Variants in BRCA1 observed in about 807,000 individuals in gnomAD.
The protein encoded by BRCA1 is BRCA1 DNA repair associated.
In BRCA1, 140 loss-of-function variants were observed where a neutral mutation model predicts 173.7. That is an observed-to-expected ratio of 0.81 (90% CI 0.70 to 0.93). The LOEUF is 0.93. Ranked by LOEUF, BRCA1 falls within the 40% of genes least tolerant of loss-of-function variation. BRCA1 has a pLI of 0.00. For synonymous variants in BRCA1, 662 were observed against 756.0 expected (o/e 0.88, Z 2.04); for missense variants, 1,983 against 2,172.5 (o/e 0.91, Z 1.73).
At chr17:43,107,062 ATT>A (rs35202419) in intron 3 of BRCA1, among the ~76,000 whole-genome samples, 6 of 126,810 alleles carry the variant, frequency 4.7e-5, no homozygotes, top group Non-Finnish European at 4.8e-5. Flanking sequence ...TACCAAGACA[ATT>A]TTTTTTTTTT....
upstream of BRCA1, among the ~76,000 whole-genome samples, chr17:43,128,848 C>T (rs2055939909): frequency 6.7e-6 from 1 of 149,336 alleles, no homozygotes; most frequent in Admixed American, 6.7e-5. Context: ...CAAAGTCTCG[C>T]TTTCTCAAAG....
At chr17:43,102,283 G>C (rs1355007076) in intron 6 of BRCA1, among the ~76,000 whole-genome samples, 1 of 151,264 alleles carries the variant, frequency 6.6e-6, no homozygotes, top group African/African-American at 2.4e-5. Context: ...ATGTGAGCCA[G>C]GATAGTCTTG....
chr17:43,117,525 G>A (rs2055351213), intron 2 of BRCA1, among the ~76,000 whole-genome samples: 1 of 152,138 alleles, frequency 6.6e-6, no homozygotes, highest in African/African-American at 2.4e-5. Context: ...CGGATCATGA[G>A]GTCAGGATTT....
rs751124745 is a variant in BRCA1 at position 43,094,617 on chromosome 17, C to T, written c.914G>A (p.Cys305Tyr). The change falls in exon 10 of 23, where the codon TGT (cysteine) becomes TAT (tyrosine). Residue 305 changes from cysteine (C) to tyrosine (Y), a missense_variant. Transcript: ENST00000357654. Reference protein sequence around the residue: ...DRMNVEKAEFCNKSKQPGLAR... With the variant: ...DRMNVEKAEFYNKSKQPGLAR... ...TAAGCCAGGCTGTTTGCTTTTATTACAGAATTCAGCCTTTTCTACATTCAT... is the reference window on the plus strand; with the variant it reads ...TAAGCCAGGCTGTTTGCTTTTATTATAGAATTCAGCCTTTTCTACATTCAT... 1 of 1,614,146 alleles carries T rather than the reference C, an allele frequency of 6.2e-7. No homozygotes were observed. Among genetic ancestry groups the T allele is most frequent in the Non-Finnish European group, 8.5e-7 (1 of 1,180,022 alleles).
rs587781623 is a variant in BRCA1 at position 43,071,124 on chromosome 17, G to A, written c.4790C>T (p.Thr1597Ile). The change falls in exon 15 of 23, where the codon ACC becomes ATC. Residue 1597 changes from threonine (T) to isoleucine (I), a missense_variant. Coordinates refer to ENST00000357654, the MANE Select transcript of BRCA1 (RefSeq NM_007294.4). ...SARVGNIPSS[T>I]SALKVPQLKV... is the part of the protein sequence containing the mutation. ...CAATTGGGGAACTTTCAATGCAGAG[G>A]TTGAAGATGGTATGTTGCCAACACG... 6.2e-7 allele frequency: 1 copy of A among 1,614,202 alleles called. No individual in the cohort carries two copies. The highest frequency in any genetic ancestry group is 1.7e-5 in the Admixed American group (1 of 60,018).
chr17:43,063,398 G>T lies in BRCA1; in HGVS notation c.5153-25C>A, dbSNP rs1458162596. 3 of 1,594,102 alleles carry T rather than the reference G, an allele frequency of 1.9e-6. No homozygotes were observed. The highest frequency in any genetic ancestry group is 1.1e-5 in the South Asian group (1 of 90,674). On this transcript the variant is annotated intron_variant, in intron 17 of 22. Coordinates refer to ENST00000357654, the MANE Select transcript of BRCA1 (RefSeq NM_007294.4). ...CCTAAAGAGATCATAGAAAAGACAG[G>T]TTACATACAGCAGAAGAACGTGCTC...
At chr17:43,158,700 G>A (rs1237967912) in intron 1 of BRCA1, among the ~76,000 whole-genome samples, 1 of 152,114 alleles carries the variant, frequency 6.6e-6, no homozygotes, top group Non-Finnish European at 1.5e-5. Context: ...GTGGCAACTA[G>A]GTCCCAAGTA....
intron 3 of BRCA1, among the ~76,000 whole-genome samples, chr17:43,112,246 T>C (rs1295681499): frequency 2.0e-5 from 3 of 152,026 alleles, no homozygotes; most frequent in Non-Finnish European, 4.4e-5. Flanking sequence ...TGTGCCCCCA[T>C]ACCCAGCTAA....
rs68106056 is a variant in BRCA1 at position 43,058,019 on chromosome 17, C to CAAAA, written c.5194-888_5194-885dup. 4.9e-4 allele frequency among the ~76,000 whole-genome samples: 17 copies of CAAAA among 34,496 alleles called. 2 individuals are homozygous for CAAAA. The highest frequency in any genetic ancestry group is 1.4e-3 in the African/African-American group (14 of 9,952). 22.6% of individuals were successfully genotyped at this position (34,496 alleles called of 152,430 possible). ...TGGGTGACAGAGTGAAACTCTGTCT[C>CAAAA]AAAAAAAAAAAAAAAAAAAAAAAAA... On this transcript the variant is annotated intron_variant, in intron 18 of 22. Coordinates refer to ENST00000357654, the MANE Select transcript of BRCA1 (RefSeq NM_007294.4).
intron 16 of BRCA1, among the ~76,000 whole-genome samples, chr17:43,065,123 C>T (rs2052008691): frequency 6.6e-6 from 1 of 152,178 alleles, no homozygotes; most frequent in Non-Finnish European, 1.5e-5. Flanking sequence ...AGCCACCACG[C>T]TTGGCATCTT....
intron 2 of BRCA1, among the ~76,000 whole-genome samples, chr17:43,120,287 A>C (rs1597917651): frequency 6.6e-6 from 1 of 152,242 alleles, no homozygotes; most frequent in Admixed American, 6.5e-5. Context: ...AAGAAACCTA[A>C]AACAGGCTGA....
At chr17:43,059,347 C>T (rs1311254235) in intron 18 of BRCA1, among the ~76,000 whole-genome samples, 6 of 152,026 alleles carry the variant, frequency 3.9e-5, no homozygotes, top group African/African-American at 1.4e-4. Context: ...GCCTGTAATC[C>T]CAGCTACTCG....
rs754222140 is a variant in BRCA1, at chr17:43,092,906, T to C, written c.2625A>G (p.Pro875=). Residue 875 remains proline, a synonymous_variant, in exon 10 of 23, where the codon CCA becomes CCG. Coordinates refer to ENST00000357654, the MANE Select transcript of BRCA1 (RefSeq NM_007294.4). The part of the protein sequence containing the change: ...KRQSFAPFSN[P]GNAEEECATF... Reference sequence around the variant, plus strand: ...TTGCACATTCCTCTTCTGCATTTCCTGGATTTGAAAACGGAGCAAATGACT... The same window carrying C: ...TTGCACATTCCTCTTCTGCATTTCCCGGATTTGAAAACGGAGCAAATGACT... 4 of 1,613,808 alleles carry C rather than the reference T, an allele frequency of 2.5e-6. No individual in the cohort carries two copies. The African/African-American group carries it at 5.3e-5, about 22-fold the overall frequency.
At position 43,092,456 on chromosome 17, in the gene BRCA1, T is replaced by G. The variant is rs786201258; in HGVS notation, c.3075A>C (p.Thr1025=). 9 of 1,614,044 alleles carry G rather than the reference T, an allele frequency of 5.6e-6. No homozygotes were observed. Among genetic ancestry groups the G allele is most frequent in the Non-Finnish European group, 7.6e-6 (9 of 1,180,008 alleles). The change falls in exon 10 of 23, where the codon ACA becomes ACC. Residue 1025 remains threonine (T), a synonymous_variant. Coordinates refer to ENST00000357654, the MANE Select transcript of BRCA1 (RefSeq NM_007294.4). ...TTTCTCTAATGTTATTACGGCTAAT[T>G]GTGCTCACTGTACTTGGAATGTTCT... The part of the protein sequence containing the change: ...GNENIPSTVS[T]ISRNNIRENV...
chr17:43,082,598 C>T (rs2053073440), intron 11 of BRCA1, 23 bp from the exon 12 acceptor site: 1 of 1,612,266 alleles, frequency 6.2e-7, no homozygotes, highest in African/African-American at 1.3e-5. Context: ...TAAATGGCAC[C>T]AAGAAAATGA....
chr17:43,092,177 C>A lies in BRCA1; in HGVS notation c.3354G>T (p.Gln1118His), dbSNP rs80357334. The A allele has an allele frequency of 2.5e-6, 4 of 1,613,290 alleles. No homozygotes were observed. Among genetic ancestry groups the A allele is most frequent in the Non-Finnish European group, 3.4e-6 (4 of 1,179,936 alleles). ...IKKQEYEEVV[Q>H]TVNTDFSPYL... ...ATGGAGAGAAATCTGTATTAACAGTCTGAACTACTTCTTCATATTCTTGCT... is the reference window on the plus strand; with the variant it reads ...ATGGAGAGAAATCTGTATTAACAGTATGAACTACTTCTTCATATTCTTGCT... The change falls in exon 10 of 23, where the codon CAG becomes CAT. Residue 1118 changes from glutamine to histidine, a missense_variant. By Grantham distance (24) the Gln-to-His change is conservative. Transcript: ENST00000357654.
In BRCA1 at chr17:43,092,519, C is replaced by T. The variant is rs786201784; in HGVS notation, c.3012G>A (p.Glu1004=). The T allele has an allele frequency of 7.4e-6, 12 of 1,613,864 alleles. No homozygotes were observed. The Admixed American group carries it at 1.2e-4, about 16-fold the overall frequency. Residue 1004 remains glutamate, a synonymous_variant, in exon 10 of 23, where the codon GAG becomes GAA. Coordinates refer to ENST00000357654, the MANE Select transcript of BRCA1 (RefSeq NM_007294.4). ...CTCTTTCAGGTGACATTGAATGTTC[C>T]TCAAAGTTTTCCTCTAGCAGATTTT... The part of the protein sequence containing the change: ...CKKNLLEENF[E]EHSMSPEREM...
At chr17:43,052,162 T>C (rs2051268700) in intron 19 of BRCA1, among the ~76,000 whole-genome samples, 1 of 152,196 alleles carries the variant, frequency 6.6e-6, no homozygotes, top group Non-Finnish European at 1.5e-5. Flanking sequence ...AAAACAACTT[T>C]CTGTGATAGT....
intron 2 of BRCA1, among the ~76,000 whole-genome samples, chr17:43,120,311 C>A (rs1198813157): frequency 6.6e-6 from 1 of 152,162 alleles, no homozygotes; most frequent in Non-Finnish European, 1.5e-5. Context: ...CCTTACCTAC[C>A]CTATAGCTAC....
Sources: gnomAD v4.1 joint callset for allele counts (sites outside exome capture counted in the v4.1 genomes callset) on GRCh38, gnomAD v4.1.1 for gene constraint, MANE v1.5 for transcripts, NCBI Gene and HGNC (gene_info 2026-07-23, HGNC 2026-07-21) for gene names.